The following KCNIP1 variants were observed in gnomAD, a reference collection of about 807,000 sequenced individuals.
KCNIP1 encodes A-type potassium channel modulatory protein KCNIP1.
Under a neutral mutation model 33.0 loss-of-function variants are expected in KCNIP1, and 18 were observed. The observed-to-expected ratio is 0.55, with a 90% CI of 0.38 to 0.81. The LOEUF is 0.81. Among genes scored for constraint, KCNIP1 ranks in the 30% least tolerant of loss-of-function variants. The probability of loss-of-function intolerance (pLI) is 0.00; values close to 1 mark genes in which losing one functional copy is unlikely to be tolerated. For synonymous variants in KCNIP1, 93 were observed against 98.3 expected (o/e 0.95, Z 0.32); for missense variants, 238 against 271.6 (o/e 0.88, Z 0.87).
In KCNIP1 at chr5:170,504,232, C is replaced by G; in HGVS notation, c.-341C>G. 3 of 1,075,860 alleles carry G rather than the reference C, an allele frequency of 2.8e-6. No individual in the cohort carries two copies. Among genetic ancestry groups the G allele is most frequent in the Non-Finnish European group, 3.4e-6 (3 of 889,210 alleles). 66.6% of individuals were successfully genotyped at this position (1,075,860 alleles called of 1,614,324 possible). A position where few individuals can be genotyped will look rare whatever the true frequency, so the allele number is the denominator to read the frequency against. On this transcript the variant is annotated 5_prime_UTR_variant, in exon 1 of 8. Coordinates refer to ENST00000328939, the MANE Select transcript of KCNIP1 (RefSeq NM_014592.4). This position sits in a 1 kb window ranked among gnomAD's most constrained non-coding sequence, Gnocchi z 6.0. ...CGCGGCGCTGGCTCGGCAGCCTCGG[C>G]CGGGCGGCCGCTCTGGCCCCGTGTC...
intron 1 of KCNIP1, among the ~76,000 whole-genome samples, chr5:170,529,988 C>T (rs1561670578): frequency 6.6e-6 from 1 of 152,180 alleles, no homozygotes; most frequent in Non-Finnish European, 1.5e-5. Flanking sequence ...GAATGCTCCT[C>T]CTCCTGATAG....
chr5:170,701,115 T>C (rs1287846337), intron 1 of KCNIP1, among the ~76,000 whole-genome samples: 2 of 152,066 alleles, frequency 1.3e-5, no homozygotes, highest in African/African-American at 4.8e-5. Context: ...CAACCAGTAA[T>C]AAAAGGAAAA....
intron 1 of KCNIP1, chr5:170,385,592 AGCTTT>A: frequency 1.0e-6 from 1 of 959,160 alleles, no homozygotes; most frequent in Non-Finnish European, 1.6e-6. Context: ...TTATATTTGG[AGCTTT>A]GCAACTTCCA....
chr5:170,526,998 C>G (rs183737765), intron 1 of KCNIP1, among the ~76,000 whole-genome samples: 1 of 152,190 alleles, frequency 6.6e-6, no homozygotes, highest in South Asian at 2.1e-4. Context: ...TCTGGGATTA[C>G]AGGTGTGAGC....
At chr5:170,391,917 C>G (rs1243297292) in intron 1 of KCNIP1, among the ~76,000 whole-genome samples, 1 of 152,178 alleles carries the variant, frequency 6.6e-6, no homozygotes, top group Non-Finnish European at 1.5e-5. Context: ...TTCCATGTGC[C>G]CTTTTCACAG....
intron 1 of KCNIP1, among the ~76,000 whole-genome samples, chr5:170,371,745 C>T (rs181053849): frequency 2.3e-4 from 35 of 152,316 alleles, no homozygotes; most frequent in Admixed American, 7.8e-4. Context: ...GATTCTTGCA[C>T]AGCAAGTGAT....
chr5:170,644,516 G>T (rs749263106), intron 1 of KCNIP1, among the ~76,000 whole-genome samples: 1 of 152,200 alleles, frequency 6.6e-6, no homozygotes, highest in Non-Finnish European at 1.5e-5. Flanking sequence ...CTCCAACTGG[G>T]TGCTGATTTG....
chr5:170,549,457 C>G (rs1378754267), intron 1 of KCNIP1, among the ~76,000 whole-genome samples: 4 of 152,178 alleles, frequency 2.6e-5, no homozygotes, highest in Admixed American at 2.6e-4. Flanking sequence ...CTCAACCCCC[C>G]TCCTCTGTTT....
chr5:170,659,334 T>C (rs1761388747), intron 1 of KCNIP1, among the ~76,000 whole-genome samples: 2 of 152,110 alleles, frequency 1.3e-5, no homozygotes, highest in South Asian at 4.1e-4. Flanking sequence ...ACACCCAAAT[T>C]AGGGACATAC....
At chr5:170,607,251 C>A (rs988130205) in intron 1 of KCNIP1, among the ~76,000 whole-genome samples, 2 of 152,186 alleles carry the variant, frequency 1.3e-5, no homozygotes, top group Admixed American at 6.5e-5. Flanking sequence ...CTTCCATTTT[C>A]TCAGGGGTGT....
chr5:170,577,260 T>C (rs935941804), intron 1 of KCNIP1, among the ~76,000 whole-genome samples: 2 of 152,242 alleles, frequency 1.3e-5, no homozygotes, highest in African/African-American at 4.8e-5. Flanking sequence ...AGTGACTCAA[T>C]CTGTCCTCTC....
At position 170,504,696 on chromosome 5, in the gene KCNIP1, G is replaced by A; in HGVS notation, c.61+63G>A. The A allele has an allele frequency of 1.4e-6, 2 of 1,381,710 alleles. No individual in the cohort carries two copies. Among genetic ancestry groups the A allele is most frequent in the Non-Finnish European group, 1.0e-6 (1 of 969,610 alleles). The allele number at this position is 1,381,710 out of a possible 1,614,324, so 85.6% of individuals were successfully genotyped here. A position where few individuals can be genotyped will look rare whatever the true frequency, so the allele number is the denominator to read the frequency against. ...TTGGGGGTGCTAGGCGCCGAGGTGG[G>A]CTGTGCCACCTGCCTCCCTTAGTCC... On this transcript the variant is annotated intron_variant, in intron 1 of 7. Coordinates refer to ENST00000328939, the MANE Select transcript of KCNIP1 (RefSeq NM_014592.4). This position sits in a 1 kb window ranked among gnomAD's most constrained non-coding sequence, Gnocchi z 6.0.
chr5:170,441,460 G>C (rs1007386998), intron 1 of KCNIP1, among the ~76,000 whole-genome samples: 1 of 152,128 alleles, frequency 6.6e-6, no homozygotes, highest in Non-Finnish European at 1.5e-5. Flanking sequence ...ATGTGCCCAC[G>C]TGCAGGGTTT....
intron 1 of KCNIP1, among the ~76,000 whole-genome samples, chr5:170,541,387 T>A (rs1338281223): frequency 6.6e-6 from 1 of 152,216 alleles, no homozygotes; most frequent in Non-Finnish European, 1.5e-5. Context: ...AGTGTCTGTC[T>A]GAACTCATAA....
intron 1 of KCNIP1, among the ~76,000 whole-genome samples, chr5:170,465,180 A>T (rs1393631594): frequency 6.6e-6 from 1 of 152,244 alleles, no homozygotes; most frequent in Non-Finnish European, 1.5e-5. Context: ...AGGAGGAGAC[A>T]CAAAATTTCA....
chr5:170,502,670 T>A (rs1011500782), upstream of KCNIP1, among the ~76,000 whole-genome samples: 1 of 152,182 alleles, frequency 6.6e-6, no homozygotes, highest in Non-Finnish European at 1.5e-5. Context: ...TTTCTGGGCA[T>A]GCATGCTTGT....
intron 1 of KCNIP1, among the ~76,000 whole-genome samples, chr5:170,686,176 C>T (rs765941043): frequency 1.1e-4 from 16 of 152,166 alleles, no homozygotes; most frequent in Admixed American, 2.0e-4. Flanking sequence ...AAAAAATGAA[C>T]ACAAAGTCTA....
At chr5:170,579,125 T>C (rs148999131) in intron 1 of KCNIP1, among the ~76,000 whole-genome samples, 77 of 152,304 alleles carry the variant, frequency 5.1e-4, no homozygotes, top group African/African-American at 1.8e-3. Flanking sequence ...TCTCTTCAAA[T>C]TTTTCTCTTT....
At position 170,559,944 on chromosome 5, in the gene KCNIP1, T is replaced by G. The variant is rs558326859; in HGVS notation, c.61+55311T>G. On this transcript the variant is annotated intron_variant, in intron 1 of 7. Transcript: ENST00000328939. Reference sequence around the variant, plus strand: ...CTCTCCCAAATTTCCTCCTGCTTATTCCTCATCCACATACATAAGGCTGTG... The same window carrying G: ...CTCTCCCAAATTTCCTCCTGCTTATGCCTCATCCACATACATAAGGCTGTG... Among the ~76,000 whole-genome samples, 289 of 152,340 alleles carry G rather than the reference T, an allele frequency of 1.9e-3. 1 individual carries two copies. The highest frequency in any genetic ancestry group is 8.5e-3 in the South Asian group (41 of 4,820).
Sources: gnomAD v4.1 joint callset for allele counts (sites outside exome capture counted in the v4.1 genomes callset) on GRCh38, gnomAD v4.1.1 for gene constraint, Gnocchi (gnomAD v3.1) non-coding constraint, MANE v1.5 for transcripts, NCBI Gene and HGNC (gene_info 2026-07-23, HGNC 2026-07-21) for gene names.